The following TRAPPC9 variants were observed in gnomAD, a reference collection of about 807,000 sequenced individuals.
TRAPPC9 encodes the protein IKK2 binding protein.
In TRAPPC9, 83 loss-of-function variants were observed where a neutral mutation model predicts 124.0. The observed-to-expected ratio is 0.67, with a 90% CI of 0.56 to 0.80. TRAPPC9 has a LOEUF of 0.80. Ranked by LOEUF, TRAPPC9 falls within the 30% of genes least tolerant of loss-of-function variation. TRAPPC9 has a pLI of 0.00. For missense variants in TRAPPC9, 1,302 were observed against 1,508.3 expected (o/e 0.86, Z 2.27); for synonymous variants, 638 against 617.5 (o/e 1.03, Z -0.49).
chr8:140,174,396 A>G (rs2062022329), intron 17 of TRAPPC9, among the ~76,000 whole-genome samples: 1 of 152,232 alleles, frequency 6.6e-6, no homozygotes. Flanking sequence ...AAAAAATAAA[A>G]TAAATTGAGG....
At chr8:139,806,087 T>G (rs1415789054) in intron 21 of TRAPPC9, 1 of 152,206 alleles carries the variant, frequency 6.6e-6, no homozygotes, top group African/African-American at 2.4e-5. Flanking sequence ...ACCTGCCAAG[T>G]ATCATGCCAG....
At chr8:140,245,231 A>C (rs145134931) in intron 16 of TRAPPC9, among the ~76,000 whole-genome samples, 2 of 152,376 alleles carry the variant, frequency 1.3e-5, no homozygotes, top group Non-Finnish European at 2.9e-5. Flanking sequence ...GTCCAGAAGC[A>C]GAATTTTACC....
chr8:140,259,599 C>T (rs1435733991), intron 15 of TRAPPC9, among the ~76,000 whole-genome samples: 1 of 152,224 alleles, frequency 6.6e-6, no homozygotes, highest in Non-Finnish European at 1.5e-5. Context: ...AAGTCAAATG[C>T]TTACAATAGC....
chr8:140,389,190 C>G (rs1163935155), intron 7 of TRAPPC9, among the ~76,000 whole-genome samples: 1 of 152,034 alleles, frequency 6.6e-6, no homozygotes, highest in Non-Finnish European at 1.5e-5. Context: ...CTTCCGACCT[C>G]AGGTGATCTG....
chr8:140,233,586 C>G (rs1462985659), intron 16 of TRAPPC9, among the ~76,000 whole-genome samples: 7 of 148,614 alleles, frequency 4.7e-5, no homozygotes, highest in African/African-American at 1.7e-4. Flanking sequence ...CTCTCTCTCT[C>G]TCTCGCTCTC....
intron 21 of TRAPPC9, among the ~76,000 whole-genome samples, chr8:139,835,525 T>C (rs1033040931): frequency 2.0e-5 from 3 of 152,220 alleles, no homozygotes; most frequent in Admixed American, 6.5e-5. Flanking sequence ...TAGGTATCTA[T>C]TTTTGTATCC....
chr8:140,335,250 G>A (rs1425996238), intron 9 of TRAPPC9, among the ~76,000 whole-genome samples: 1 of 152,164 alleles, frequency 6.6e-6, no homozygotes, highest in African/African-American at 2.4e-5. Flanking sequence ...AGCAAAGCCA[G>A]GGAACAGGAC....
chr8:140,284,524 A>G (rs1454222182), intron 13 of TRAPPC9, among the ~76,000 whole-genome samples: 1 of 152,186 alleles, frequency 6.6e-6, no homozygotes, highest in African/African-American at 2.4e-5. Context: ...GTGTATAAGC[A>G]CCATAATTTA....
At chr8:140,106,924 A>C (rs1309506687) in intron 17 of TRAPPC9, among the ~76,000 whole-genome samples, 1 of 152,186 alleles carries the variant, frequency 6.6e-6, no homozygotes, top group Non-Finnish European at 1.5e-5. Context: ...ATACAGTCTT[A>C]ATAAACATTT....
intron 2 of TRAPPC9, among the ~76,000 whole-genome samples, chr8:140,446,936 G>A (rs1246086097): frequency 6.6e-6 from 1 of 152,126 alleles, no homozygotes; most frequent in Non-Finnish European, 1.5e-5. Flanking sequence ...AGAAAAGACA[G>A]CCGCACCCTC....
chr8:140,081,092 G>A (rs1843786433), intron 17 of TRAPPC9, among the ~76,000 whole-genome samples: 1 of 152,120 alleles, frequency 6.6e-6, no homozygotes, highest in Non-Finnish European at 1.5e-5. Flanking sequence ...TCTCAGAGAA[G>A]CAAGGCCAAG....
chr8:140,357,630 A>G (rs1588209610), intron 9 of TRAPPC9, among the ~76,000 whole-genome samples: 2 of 152,114 alleles, frequency 1.3e-5, no homozygotes, highest in East Asian at 3.9e-4. Context: ...GGGGCTGGGG[A>G]GAGCAAACAT....
chr8:139,915,800 T>C (rs939763738), intron 19 of TRAPPC9, among the ~76,000 whole-genome samples: 1 of 152,166 alleles, frequency 6.6e-6, no homozygotes, highest in South Asian at 2.1e-4. Flanking sequence ...GGGAGCTCTG[T>C]GAGGGAAGGG....
chr8:140,344,491 G>A (rs1408586290), intron 9 of TRAPPC9, among the ~76,000 whole-genome samples: 2 of 152,186 alleles, frequency 1.3e-5, no homozygotes, highest in Non-Finnish European at 2.9e-5. Context: ...TGCGCAGGAC[G>A]GTGGCACGCC....
At chr8:139,878,204 C>T (rs1309567161) in intron 21 of TRAPPC9, among the ~76,000 whole-genome samples, 5 of 152,044 alleles carry the variant, frequency 3.3e-5, no homozygotes, top group East Asian at 3.9e-4. Flanking sequence ...ACAATATGTG[C>T]GAGACATGTT....
intron 17 of TRAPPC9, among the ~76,000 whole-genome samples, chr8:140,195,437 G>T (rs188319858): frequency 6.9e-6 from 1 of 144,570 alleles, no homozygotes; most frequent in South Asian, 2.2e-4. Context: ...AAAAACACTC[G>T]ACAATCCACC....
chr8:139,968,516 G>A (rs948677648), intron 19 of TRAPPC9, among the ~76,000 whole-genome samples: 1 of 152,224 alleles, frequency 6.6e-6, no homozygotes, highest in Non-Finnish European at 1.5e-5. Flanking sequence ...CCAGAATCAC[G>A]TCGCTAGTGG....
rs1175333291 is a variant in TRAPPC9, at chr8:140,287,642, C to T, written c.1947G>A (p.Gly649=). Residue 649 remains glycine (G), a synonymous_variant, in exon 13 of 23, where the codon GGG becomes GGA. Coordinates refer to ENST00000438773, the MANE Select transcript of TRAPPC9 (RefSeq NM_001160372.4). ...TAATCGTTCCAGTCGTCTGCGGGAC[C>T]CCGACGAGCGTCACTGGGTACAGAC... ...ESGLYPVTLV[G]VPQTTGTITV... is the part of the protein sequence containing the mutation. The T allele has an allele frequency of 1.9e-6, 3 of 1,614,048 alleles. No individual in the cohort carries two copies. The highest frequency in any genetic ancestry group is 2.5e-6 in the Non-Finnish European group (3 of 1,180,032).
At chr8:139,937,142 C>T (rs1189672751) in intron 19 of TRAPPC9, among the ~76,000 whole-genome samples, 1 of 152,122 alleles carries the variant, frequency 6.6e-6, no homozygotes, top group Non-Finnish European at 1.5e-5. Context: ...TGCTGCATCC[C>T]AGGAGGGGGC....
Sources: allele counts gnomAD v4.1 joint callset (sites outside exome capture counted in the v4.1 genomes callset), GRCh38; gene constraint gnomAD v4.1.1; transcripts MANE v1.5; gene names NCBI Gene and HGNC (gene_info 2026-07-23, HGNC 2026-07-21).